VIRMA: variants seen among roughly 807,000 people sequenced by gnomAD.
The protein encoded by VIRMA is protein virilizer homolog.
A neutral mutation model predicts 182.4 loss-of-function variants in VIRMA; 65 were observed. The observed-to-expected ratio is 0.36, with a 90% confidence interval of 0.29 to 0.44. The LOEUF is 0.44. Among genes scored for constraint, VIRMA ranks in the 20% least tolerant of loss-of-function variants. VIRMA has a pLI of 1.00. For missense variants in VIRMA, 1,752 were observed against 2,158.1 expected (o/e 0.81, Z 3.73); for synonymous variants, 709 against 743.1 (o/e 0.95, Z 0.75).
At chr8:94,531,591 TC>T (rs1815177983) in intron 5 of VIRMA, among the ~76,000 whole-genome samples, 1 of 152,222 alleles carries the variant, frequency 6.6e-6, no homozygotes, top group African/African-American at 2.4e-5. Flanking sequence ...AACTTTTCCT[TC>T]CTGGCATCTT....
chr8:94,532,198 C>A (rs745601110), intron 5 of VIRMA, among the ~76,000 whole-genome samples: 1 of 152,226 alleles, frequency 6.6e-6, no homozygotes, highest in Non-Finnish European at 1.5e-5. Flanking sequence ...CCTCCACCAC[C>A]AGGGTTCAAG....
chr8:94,529,144 C>A lies in VIRMA; in HGVS notation c.806G>T (p.Arg269Leu). The A allele has an allele frequency of 4.2e-6, 6 of 1,427,898 alleles. No individual in the cohort carries two copies. Among genetic ancestry groups the A allele is most frequent in the African/African-American group, 1.4e-5 (1 of 71,112 alleles). The allele number at this position is 1,427,898 out of a possible 1,614,324, so 88.5% of individuals were successfully genotyped here. A position where few individuals can be genotyped will look rare whatever the true frequency, so the allele number is the denominator to read the frequency against. ...CTCCTCAGGAATACTGTCTACTGTT[C>A]GTCGATCATCCTCATCCTCATCCTC... ...EEEDEDEDDR[R>L]TVDSIPEEEE... Residue 269 changes from arginine (R) to leucine (L), a missense_variant, in exon 7 of 24, where the codon CGA (arginine) becomes CTA (leucine). Transcript: ENST00000297591.
At chr8:94,496,121 CA>C (rs1294758378) in intron 18 of VIRMA, 7 of 613,776 alleles carry the variant, frequency 1.1e-5, no homozygotes, top group Middle Eastern at 8.7e-4. Flanking sequence ...ACAGACAATT[CA>C]AAAAGTACCG....
Position 94,527,071 on chromosome 8 carries a change from C to A in VIRMA, c.1173G>T (p.Leu391Phe). 1 of 1,614,174 alleles carries A rather than the reference C, an allele frequency of 6.2e-7. No homozygotes were observed. Among genetic ancestry groups the A allele is most frequent in the Non-Finnish European group, 8.5e-7 (1 of 1,180,030 alleles). Residue 391 changes from leucine to phenylalanine, a missense_variant, in exon 8 of 24, where the codon TTG becomes TTT. Leu to Phe is a conservative substitution (Grantham distance 22, BLOSUM62 0). This residue lies in a region of VIRMA where 401 missense variants were observed against 455.1 expected (regional missense o/e 0.88). Transcript: ENST00000297591. ...ATTTTGCACCTCTATCTTCTCTATA[C>A]AAATCTAAGAGTTCTGTTAACTTCA... ...ASVKLTELLDLYREDRGAKWV... is the reference protein window; with the variant it reads ...ASVKLTELLDFYREDRGAKWV...
rs773825403 is a variant in VIRMA, at chr8:94,526,774, C to T, written c.1470G>A (p.Leu490=). ...AGVISGLFEL[L]FADHVSSSLK... ...GAGAAGATGATACGTGATCAGCAAA[C>T]AGAAGTTCAAATAATCCACTGATCA... is the stretch of plus-strand genomic sequence containing the variant. Residue 490 remains leucine, a synonymous_variant, in exon 8 of 24, where the codon CTG becomes CTA. Transcript: ENST00000297591. 1.4e-5 allele frequency: 22 copies of T among 1,613,894 alleles called. No individual in the cohort carries two copies. The Admixed American group carries it at 3.7e-4, about 27-fold the overall frequency.
At position 94,509,740 on chromosome 8, in the gene VIRMA, C is replaced by T. The variant is rs772140975; in HGVS notation, c.3827G>A (p.Arg1276His). 75 of 1,613,530 alleles carry T rather than the reference C, an allele frequency of 4.6e-5. 1 individual carries two copies. The Middle Eastern group carries it at 3.1e-3, about 67-fold the overall frequency. The change falls in exon 15 of 24, where the codon CGC becomes CAC. Residue 1276 changes from arginine (R) to histidine (H), a missense_variant. This residue lies in a region of VIRMA where 777 missense variants were observed against 920.6 expected (regional missense o/e 0.84). Transcript: ENST00000297591. ...TGTGACATATTCAACACACTGTTGG[C>T]GAATAACACTGTCTCCAGGAGACCG... Reference protein sequence around the residue: ...LVRSPGDSVIRQQCVEYVTSI... With the variant: ...LVRSPGDSVIHQQCVEYVTSI...
chr8:94,488,561 TCAAA>T lies in VIRMA; in HGVS notation c.*141_*144del, dbSNP rs1373743278. On this transcript the variant is annotated 3_prime_UTR_variant, in exon 24 of 24. Coordinates refer to ENST00000297591, the MANE Select transcript of VIRMA (RefSeq NM_015496.5). The stretch of plus-strand genomic sequence containing the variant: ...ATTTTTATTGAAATCTTGTTAGGTA[TCAAA>T]CAAATTCTGCTTTCTTCAGATAAAA... The T allele has an allele frequency of 1.5e-6, 1 of 655,140 alleles. No individual in the cohort carries two copies. Among genetic ancestry groups the T allele is most frequent in the African/African-American group, 1.8e-5 (1 of 55,724 alleles). 40.6% of individuals were successfully genotyped at this position (655,140 alleles called of 1,614,324 possible). A position where few individuals can be genotyped will look rare whatever the true frequency, so the allele number is the denominator to read the frequency against.
intron 11 of VIRMA, among the ~76,000 whole-genome samples, chr8:94,512,741 C>T (rs1233680605): frequency 6.6e-6 from 1 of 152,160 alleles, no homozygotes; most frequent in Non-Finnish European, 1.5e-5. Flanking sequence ...TGTGCCATTG[C>T]ACTCCAGCCT....
At chr8:94,528,102 T>C (rs117648710) in intron 7 of VIRMA, among the ~76,000 whole-genome samples, 13,713 of 151,582 alleles carry the variant, frequency 0.09, 862 homozygotes, top group South Asian at 0.21. Context: ...AGCGTAGGGG[T>C]GCGTGCCTGT....
chr8:94,507,132 T>C (rs1814178770), intron 15 of VIRMA, among the ~76,000 whole-genome samples: 1 of 109,936 alleles, frequency 9.1e-6, no homozygotes, highest in Non-Finnish European at 1.8e-5. Context: ...AGAAATAAAG[T>C]TTTTCTTTTT....
At chr8:94,493,287 C>T (rs1813664937) in intron 20 of VIRMA, among the ~76,000 whole-genome samples, 1 of 152,168 alleles carries the variant, frequency 6.6e-6, no homozygotes, top group Non-Finnish European at 1.5e-5. Context: ...AATCAACATT[C>T]AGTTTACTTA....
intron 10 of VIRMA, among the ~76,000 whole-genome samples, chr8:94,515,880 G>A (rs1039542875): frequency 5.9e-5 from 9 of 151,452 alleles, no homozygotes; most frequent in East Asian, 3.9e-4. Context: ...GGTGGATCAC[G>A]AGATCGACAG....
chr8:94,495,241 C>T (rs191340662), intron 19 of VIRMA, among the ~76,000 whole-genome samples: 83 of 152,242 alleles, frequency 5.5e-4, no homozygotes, highest in African/African-American at 2.0e-3. Flanking sequence ...TGAGCTCAAG[C>T]TATCTTCCTG....
At chr8:94,509,982 C>T (rs1286440221) in intron 14 of VIRMA, 42 bp from the exon 15 acceptor site, 1 of 1,539,220 alleles carries the variant, frequency 6.5e-7, no homozygotes, top group East Asian at 2.3e-5. Context: ...AGTTCTTGAC[C>T]TTAAGGCATT....
intron 2 of VIRMA, among the ~76,000 whole-genome samples, 165 bp downstream of exon 2, chr8:94,543,662 C>A (rs923572590): frequency 6.6e-6 from 1 of 151,802 alleles, no homozygotes; most frequent in African/African-American, 2.4e-5. Context: ...ATGATATATG[C>A]ATTATACAGA....
In VIRMA at chr8:94,511,485, G is replaced by A. The variant is rs774596725; in HGVS notation, c.3090C>T (p.Asp1030=). The change falls in exon 13 of 24, where the codon GAC becomes GAT. Residue 1030 remains aspartate (D), a synonymous_variant. Coordinates refer to ENST00000297591, the MANE Select transcript of VIRMA (RefSeq NM_015496.5). ...LLRGGSFEFK[D]MRVPSALVTL... ...TAACAAGCGCTGAAGGAACACGCATGTCCTTAAACTCAAAGGATCCACCTC... is the reference window on the plus strand; with the variant it reads ...TAACAAGCGCTGAAGGAACACGCATATCCTTAAACTCAAAGGATCCACCTC... 28 of 1,614,024 alleles carry A rather than the reference G, an allele frequency of 1.7e-5. No homozygotes were observed. The highest frequency in any genetic ancestry group is 1.3e-4 in the Admixed American group (8 of 60,002).
At chr8:94,535,769 G>A (rs1479048764) in intron 4 of VIRMA, among the ~76,000 whole-genome samples, 3 of 149,476 alleles carry the variant, frequency 2.0e-5, no homozygotes, top group Non-Finnish European at 4.4e-5. Context: ...GCGACAGAGC[G>A]AGACTTGGTC....
intron 14 of VIRMA, 58 bp from the exon 15 acceptor site, chr8:94,509,998 A>G (rs1421171784): frequency 1.5e-5 from 22 of 1,455,828 alleles, no homozygotes; most frequent in Non-Finnish European, 1.9e-5. Context: ...GCATTGTTTA[A>G]CTAGTATTTA....
At chr8:94,542,570 C>T (rs1401596588) in intron 2 of VIRMA, among the ~76,000 whole-genome samples, 2 of 152,030 alleles carry the variant, frequency 1.3e-5, no homozygotes, top group Non-Finnish European at 2.9e-5. Flanking sequence ...CTTTTTTTGG[C>T]CAAAAGCAGT....
Sources: allele counts gnomAD v4.1 joint callset (sites outside exome capture counted in the v4.1 genomes callset), GRCh38; gene constraint gnomAD v4.1.1; regional missense constraint gnomAD v4.1.1; transcripts MANE v1.5; gene names NCBI Gene and HGNC (gene_info 2026-07-23, HGNC 2026-07-21).